The following TMPRSS15 variants were observed in gnomAD, a reference collection of about 807,000 sequenced individuals.
TMPRSS15 encodes enteropeptidase.
In TMPRSS15, 128 loss-of-function variants were observed where a neutral mutation model predicts 125.3. The ratio of observed to expected loss-of-function variants is 1.02; its 90% CI spans 0.89 to 1.18. The LOEUF (loss-of-function observed/expected upper bound fraction) is 1.18, where lower values mean the gene tolerates loss of function less well. Ranked by LOEUF, TMPRSS15 falls within the 50% of genes most tolerant of loss-of-function variation. The pLI, the probability that TMPRSS15 is intolerant of heterozygous loss-of-function variation, is 0.00. For missense variants in TMPRSS15, 1,283 were observed against 1,212.7 expected (o/e 1.06, Z -0.86); for synonymous variants, 446 against 423.2 (o/e 1.05, Z -0.66).
intron 16 of TMPRSS15, among the ~76,000 whole-genome samples, chr21:18,317,909 T>TCCC (rs1569004326): frequency 9.3e-4 from 68 of 72,812 alleles, no homozygotes; most frequent in African/African-American, 3.4e-3. Context: ...CATCCCATCC[T>TCCC]ATCCCAACCC....
chr21:18,316,596 G>T (rs922078826), intron 16 of TMPRSS15, among the ~76,000 whole-genome samples: 1 of 152,190 alleles, frequency 6.6e-6, no homozygotes, highest in Non-Finnish European at 1.5e-5. Flanking sequence ...ATGGGCATGT[G>T]CTTGGCACAT....
At chr21:18,464,317 C>A (rs910230114) in intron 1 of TMPRSS15, among the ~76,000 whole-genome samples, 8 of 150,974 alleles carry the variant, frequency 5.3e-5, no homozygotes, top group Admixed American at 2.0e-4. Context: ...TGGGAAAGAT[C>A]TAAAATCGAC....
intron 23 of TMPRSS15, among the ~76,000 whole-genome samples, chr21:18,277,838 G>A (rs1431340392): frequency 6.6e-6 from 1 of 152,132 alleles, no homozygotes; most frequent in Non-Finnish European, 1.5e-5. Context: ...CTTTTCTGGT[G>A]CTTTATTATT....
Position 18,387,363 on chromosome 21 carries a change from A to G in TMPRSS15, c.345-3585T>C, listed in dbSNP as rs116282986. On this transcript the variant is annotated intron_variant, in intron 3 of 24. Coordinates refer to ENST00000284885, the MANE Select transcript of TMPRSS15 (RefSeq NM_002772.3). ...ATATTAGTTATCTCATATATTCCTTAATGATATTGGTAACCTTTAGGGCTG... is the reference window on the plus strand; with the variant it reads ...ATATTAGTTATCTCATATATTCCTTGATGATATTGGTAACCTTTAGGGCTG... Among the ~76,000 whole-genome samples, 399 of 152,274 alleles carry G rather than the reference A, an allele frequency of 2.6e-3. 1 individual carries two copies. Among genetic ancestry groups the G allele is most frequent in the African/African-American group, 9.1e-3 (378 of 41,554 alleles).
chr21:18,348,637 A>T (rs1213742931), intron 10 of TMPRSS15, among the ~76,000 whole-genome samples: 1 of 152,174 alleles, frequency 6.6e-6, no homozygotes, highest in African/African-American at 2.4e-5. Flanking sequence ...GAAAATAAAA[A>T]TGTTACTTTT....
At chr21:18,318,542 C>T (rs2075198173) in intron 16 of TMPRSS15, among the ~76,000 whole-genome samples, 1 of 152,180 alleles carries the variant, frequency 6.6e-6, no homozygotes. Context: ...AGTTATTAAG[C>T]CAAGGTCTGT....
chr21:18,311,902 G>A (rs2075104439), intron 18 of TMPRSS15, among the ~76,000 whole-genome samples: 1 of 151,998 alleles, frequency 6.6e-6, no homozygotes, highest in African/African-American at 2.4e-5. Context: ...ATTGGTATAT[G>A]GATATTTACA....
At chr21:18,328,389 A>G (rs1449385442) in intron 15 of TMPRSS15, among the ~76,000 whole-genome samples, 1 of 152,210 alleles carries the variant, frequency 6.6e-6, no homozygotes, top group African/African-American at 2.4e-5. Context: ...AATTTTGTAT[A>G]ACACAATTTG....
intron 18 of TMPRSS15, among the ~76,000 whole-genome samples, chr21:18,303,087 C>T (rs749179013): frequency 3.3e-5 from 5 of 152,078 alleles, no homozygotes; most frequent in Non-Finnish European, 7.4e-5. Flanking sequence ...TATCTTATTT[C>T]GTCAGGAAAA....
chr21:18,387,612 TACACACACACAC>T (rs57708622), intron 3 of TMPRSS15, among the ~76,000 whole-genome samples: 14,195 of 144,820 alleles, frequency 0.098, 696 homozygotes, highest in Non-Finnish European at 0.12. Flanking sequence ...CACACACACA[TACACACACACAC>T]ACACACACAC....
At chr21:18,406,181 A>G (rs1251981791), upstream of TMPRSS15, among the ~76,000 whole-genome samples, 1 of 152,138 alleles carries the variant, frequency 6.6e-6, no homozygotes. Context: ...CATCATAGGC[A>G]TCTGGAACAT....
At chr21:18,420,378 G>A (rs1173070113) in intron 1 of TMPRSS15, among the ~76,000 whole-genome samples, 6 of 152,136 alleles carry the variant, frequency 3.9e-5, no homozygotes, top group African/African-American at 9.7e-5. Flanking sequence ...GTTTGTGGTT[G>A]AATAGAACAC....
chr21:18,314,983 A>G (rs543514323), intron 17 of TMPRSS15, among the ~76,000 whole-genome samples, 163 bp downstream of exon 17: 1 of 152,344 alleles, frequency 6.6e-6, no homozygotes, highest in South Asian at 2.1e-4. Flanking sequence ...TCTTCTATCC[A>G]GATGGGGACA....
intron 5 of TMPRSS15, among the ~76,000 whole-genome samples, chr21:18,378,401 A>T (rs759600138): frequency 3.9e-5 from 6 of 152,048 alleles, no homozygotes; most frequent in Non-Finnish European, 8.8e-5. Context: ...ATCATAACAG[A>T]CCTTTGTGGG....
Position 18,290,038 on chromosome 21 carries a change from A to T in TMPRSS15, c.2486+4232T>A, listed in dbSNP as rs78713362. ...TGATGCGTGTGCTTTATGCAGTAGT[A>T]TGAGTCAGCAATTCTCAAACTCCTT... On this transcript the variant is annotated intron_variant, in intron 21 of 24. Transcript: ENST00000284885. Among the ~76,000 whole-genome samples, 1,175 of 152,382 alleles carry T rather than the reference A, an allele frequency of 7.7e-3. 10 individuals carry two copies. The highest frequency in any genetic ancestry group is 0.027 in the African/African-American group (1,132 of 41,596).
At chr21:18,333,021 C>T (rs578161611) in intron 13 of TMPRSS15, among the ~76,000 whole-genome samples, 39 of 152,244 alleles carry the variant, frequency 2.6e-4, no homozygotes, top group Non-Finnish European at 4.4e-4. Flanking sequence ...TATGTTCTCA[C>T]TTATAAGTGA....
intron 1 of TMPRSS15, among the ~76,000 whole-genome samples, chr21:18,423,457 G>A (rs2076196394): frequency 1.3e-5 from 2 of 148,458 alleles, no homozygotes; most frequent in African/African-American, 2.5e-5. Context: ...CGCCCAGGCT[G>A]GAGTGCAGTG....
chr21:18,385,807 G>A (rs184031808), intron 3 of TMPRSS15, among the ~76,000 whole-genome samples: 26 of 152,030 alleles, frequency 1.7e-4, no homozygotes, highest in East Asian at 9.7e-4. Flanking sequence ...GCAGCGGCAC[G>A]ATCTCCGCTC....
chr21:18,471,844 A>C (rs985263664), intron 1 of TMPRSS15, among the ~76,000 whole-genome samples: 1 of 151,606 alleles, frequency 6.6e-6, no homozygotes, highest in Non-Finnish European at 1.5e-5. Flanking sequence ...ATGAGGGCAA[A>C]AAAAAGGCAG....
Sources: allele counts gnomAD v4.1 joint callset (sites outside exome capture counted in the v4.1 genomes callset), GRCh38; gene constraint gnomAD v4.1.1; transcripts MANE v1.5; gene names NCBI Gene and HGNC (gene_info 2026-07-23, HGNC 2026-07-21).